SYN3: variants seen among roughly 807,000 people sequenced by gnomAD.
The protein encoded by SYN3 is synapsin-3.
SYN3 carries 35 observed loss-of-function variants against 65.8 expected under a neutral mutation model. The observed-to-expected ratio is 0.53, with a 90% confidence interval of 0.41 to 0.70. The LOEUF (loss-of-function observed/expected upper bound fraction) is 0.70. Ranked by LOEUF, SYN3 falls within the 30% of genes least tolerant of loss-of-function variation. The probability of loss-of-function intolerance (pLI) is 0.00; values close to 1 mark genes in which losing one functional copy is unlikely to be tolerated. For synonymous variants in SYN3, 270 were observed against 292.9 expected (o/e 0.92, Z 0.80); for missense variants, 680 against 749.0 (o/e 0.91, Z 1.08).
At chr22:32,554,649 C>T (rs1409985733) in intron 7 of SYN3, among the ~76,000 whole-genome samples, 4 of 152,162 alleles carry the variant, frequency 2.6e-5, no homozygotes, top group Admixed American at 1.3e-4. Context: ...TCGGAATTAG[C>T]TTAGACTGTA....
At chr22:32,894,163 C>T (rs2049526168) in intron 4 of SYN3, among the ~76,000 whole-genome samples, 1 of 150,900 alleles carries the variant, frequency 6.6e-6, no homozygotes, top group Non-Finnish European at 1.5e-5. Context: ...AGAGCAAGGG[C>T]CTGGTGAATC....
intron 6 of SYN3, among the ~76,000 whole-genome samples, chr22:32,726,228 C>T (rs2061189902): frequency 1.3e-5 from 2 of 152,146 alleles, no homozygotes; most frequent in South Asian, 2.1e-4. Context: ...CTGCAACCTC[C>T]GCTTCCCGGG....
intron 1 of SYN3, among the ~76,000 whole-genome samples, chr22:33,041,983 A>T (rs1482190175): frequency 6.6e-6 from 1 of 152,176 alleles, no homozygotes; most frequent in Non-Finnish European, 1.5e-5. Flanking sequence ...TGTGTCCCCC[A>T]AATTCATATG....
chr22:32,675,006 C>T (rs1479259726), intron 6 of SYN3, among the ~76,000 whole-genome samples: 1 of 152,362 alleles, frequency 6.6e-6, no homozygotes. Flanking sequence ...CACACCTCAG[C>T]TGTGCCGGGC....
At chr22:32,961,249 AC>A (rs1464654982) in intron 3 of SYN3, among the ~76,000 whole-genome samples, 1 of 151,966 alleles carries the variant, frequency 6.6e-6, no homozygotes, top group Middle Eastern at 3.2e-3. Flanking sequence ...GGCAAAAATC[AC>A]CCCTGGTTGT....
At chr22:32,773,469 T>G (rs540146504) in intron 6 of SYN3, among the ~76,000 whole-genome samples, 4 of 149,744 alleles carry the variant, frequency 2.7e-5, no homozygotes, top group Admixed American at 2.7e-4. Context: ...TCAGCTTCAG[T>G]AGGTTCTTGC....
At chr22:32,703,140 T>G (rs1039100957) in intron 6 of SYN3, among the ~76,000 whole-genome samples, 2 of 152,186 alleles carry the variant, frequency 1.3e-5, no homozygotes, top group African/African-American at 4.8e-5. Flanking sequence ...AAGTTATCAC[T>G]AGACTATTTA....
chr22:32,857,128 C>A, intron 6 of SYN3: 2 of 771,220 alleles, frequency 2.6e-6, no homozygotes, highest in Non-Finnish European at 4.6e-6. Context: ...CATGAGAGTG[C>A]AGACCCCTCT....
chr22:32,544,951 T>A (rs75215201), intron 7 of SYN3, among the ~76,000 whole-genome samples: 3,508 of 152,270 alleles, frequency 0.023, 71 homozygotes, highest in East Asian at 0.11. Flanking sequence ...CACCCTGATA[T>A]GGGGGGCATG....
chr22:32,700,238 G>GTGAAATTCCAC (rs2060793255), intron 6 of SYN3, among the ~76,000 whole-genome samples: 1 of 152,206 alleles, frequency 6.6e-6, no homozygotes, highest in Non-Finnish European at 1.5e-5. Context: ...TGTGAAGTCT[G>GTGAAATTCCAC]TGAAATTCCA....
intron 6 of SYN3, among the ~76,000 whole-genome samples, chr22:32,827,474 A>G (rs992436476): frequency 6.6e-6 from 1 of 152,132 alleles, no homozygotes; most frequent in East Asian, 1.9e-4. Flanking sequence ...ACATGTGATG[A>G]TATCTACCTC....
rs777738969 is a variant in SYN3, at chr22:32,928,340, GA to G, written c.461+3049del. On this transcript the variant is annotated intron_variant, in intron 4 of 13. Coordinates refer to ENST00000358763, the MANE Select transcript of SYN3 (RefSeq NM_003490.4). ...GCGAGACTCCGTCTCAAAAAAAAAAGAAAAAAAGAAAATGCATTTATTACCC... is the reference window on the plus strand; with the variant it reads ...GCGAGACTCCGTCTCAAAAAAAAAAGAAAAAAGAAAATGCATTTATTACCC... 3.3e-3 allele frequency among the ~76,000 whole-genome samples: 497 copies of G among 151,728 alleles called. 4 individuals carry two copies. The highest frequency in any genetic ancestry group is 3.5e-3 in the Non-Finnish European group (237 of 67,826).
intron 4 of SYN3, among the ~76,000 whole-genome samples, chr22:32,927,561 C>T (rs2050509809): frequency 6.6e-6 from 1 of 152,060 alleles, no homozygotes; most frequent in African/African-American, 2.4e-5. Context: ...TGTTTACTTT[C>T]TTCCCTGACA....
chr22:32,829,260 T>G (rs1449140142), intron 6 of SYN3, among the ~76,000 whole-genome samples: 1 of 152,206 alleles, frequency 6.6e-6, no homozygotes, highest in Non-Finnish European at 1.5e-5. Context: ...CCTCCTTTCG[T>G]GATCACGCCT....
chr22:32,526,095 A>G (rs1313371696), intron 12 of SYN3, among the ~76,000 whole-genome samples: 2 of 152,186 alleles, frequency 1.3e-5, no homozygotes, highest in Admixed American at 1.3e-4. Flanking sequence ...TCATTAAGGT[A>G]TGTACTTTGT....
At chr22:32,785,474 G>A (rs1442033361) in intron 6 of SYN3, among the ~76,000 whole-genome samples, 1 of 152,116 alleles carries the variant, frequency 6.6e-6, no homozygotes, top group Admixed American at 6.5e-5. Context: ...GGGGGCTGAT[G>A]GAATAACACA....
Position 32,869,061 on chromosome 22 carries a change from C to T in SYN3, c.526G>A (p.Asp176Asn), listed in dbSNP as rs751463668. The change falls in exon 5 of 14, where the codon GAC becomes AAC. Residue 176 changes from aspartate (D) to asparagine (N), a missense_variant. Physicochemically the swap from Asp to Asn is conservative, Grantham distance 23 (BLOSUM62 1). Coordinates refer to ENST00000358763, the MANE Select transcript of SYN3 (RefSeq NM_003490.4). Reference protein sequence around the residue: ...QHAYSMALGEDYRSLVIGLQY... With the variant: ...QHAYSMALGENYRSLVIGLQY... ...AGGCCGATGACCAGGCTGCGGTAGT[C>T]TTCCCCCAGGGCCATGCTGTAGGCA... 10 of 1,614,136 alleles carry T rather than the reference C, an allele frequency of 6.2e-6. No homozygotes were observed. The East Asian group carries it at 2.2e-4, about 36-fold the overall frequency.
chr22:32,788,358 G>C (rs951648602), intron 6 of SYN3, among the ~76,000 whole-genome samples: 3 of 152,056 alleles, frequency 2.0e-5, no homozygotes, highest in Non-Finnish European at 2.9e-5. Context: ...TGGCCAACAT[G>C]ATGAAACCCC....
intron 4 of SYN3, among the ~76,000 whole-genome samples, chr22:32,928,178 A>T (rs2050528062): frequency 6.6e-6 from 1 of 152,064 alleles, no homozygotes; most frequent in Non-Finnish European, 1.5e-5. Context: ...AAAATACAAA[A>T]AATTAGCTGG....
Sources: gnomAD v4.1 joint callset for allele counts (sites outside exome capture counted in the v4.1 genomes callset) on GRCh38, gnomAD v4.1.1 for gene constraint, MANE v1.5 for transcripts, NCBI Gene and HGNC (gene_info 2026-07-23, HGNC 2026-07-21) for gene names.